THSD4: variants seen among roughly 807,000 people sequenced by gnomAD.
The protein encoded by THSD4 is thrombospondin type 1 domain containing 4, also known as thrombospondin type-1 domain-containing protein 4.
THSD4 carries 69 observed loss-of-function variants against 119.0 expected under a neutral mutation model. The observed-to-expected ratio is 0.58, with a 90% CI of 0.48 to 0.71. The LOEUF (loss-of-function observed/expected upper bound fraction) is 0.71, where lower values mean the gene tolerates loss of function less well. THSD4 is among the 30% of genes least tolerant of loss of function. The pLI is 0.00. For synonymous variants in THSD4, 524 were observed against 540.4 expected, an observed-to-expected ratio of 0.97 and a Z score of 0.42; for missense variants, 1,393 against 1,391.1, an observed-to-expected ratio of 1.00 and a Z score of -0.02.
intron 7 of THSD4, among the ~76,000 whole-genome samples, chr15:71,530,555 A>G (rs1005162159): frequency 9.9e-5 from 15 of 152,166 alleles, no homozygotes; most frequent in Non-Finnish European, 1.9e-4. Flanking sequence ...AAAAGCCCCA[A>G]TCATTCATTA....
intron 8 of THSD4, among the ~76,000 whole-genome samples, chr15:71,709,811 A>G (rs4310807): frequency 0.17 from 25,853 of 152,154 alleles, 2,407 homozygotes; most frequent in Middle Eastern, 0.22. Flanking sequence ...TGCCCAGGCC[A>G]TACCTGAACC....
chr15:71,204,609 C>G (rs920725779), intron 3 of THSD4, among the ~76,000 whole-genome samples: 1 of 152,160 alleles, frequency 6.6e-6, no homozygotes, highest in Non-Finnish European at 1.5e-5. Flanking sequence ...GAGCCACAGA[C>G]CAGCTGGCCT....
intron 7 of THSD4, among the ~76,000 whole-genome samples, chr15:71,655,812 G>A (rs944225494): frequency 9.9e-5 from 15 of 152,172 alleles, no homozygotes; most frequent in African/African-American, 3.1e-4. Flanking sequence ...CCCTATCAGC[G>A]ACCAATTGAT....
At chr15:71,355,836 TTCCAAGTGTTCTAATTTA>T (rs1164707668) in intron 6 of THSD4, among the ~76,000 whole-genome samples, 6 of 150,616 alleles carry the variant, frequency 4.0e-5, no homozygotes, top group Non-Finnish European at 1.5e-5. Context: ...AGTAACTCTT[TTCCAAGTGTTCTAATTTA>T]GGTTTTTCTT....
intron 16 of THSD4, among the ~76,000 whole-genome samples, chr15:71,768,142 C>T (rs1356268152): frequency 6.6e-6 from 1 of 152,044 alleles, no homozygotes; most frequent in African/African-American, 2.4e-5. Flanking sequence ...AGTAAAGGTG[C>T]TGAGGGAATA....
At chr15:71,403,579 G>A (rs2046567484) in intron 6 of THSD4, among the ~76,000 whole-genome samples, 1 of 152,180 alleles carries the variant, frequency 6.6e-6, no homozygotes, top group Non-Finnish European at 1.5e-5. Context: ...AGTCTTTGGA[G>A]TATACCAAGA....
intron 3 of THSD4, among the ~76,000 whole-genome samples, chr15:71,208,046 G>A (rs1236559160): frequency 6.6e-6 from 1 of 152,234 alleles, no homozygotes; most frequent in Admixed American, 6.5e-5. Context: ...GTTCAAAGGA[G>A]CTGCTGCTGG....
chr15:71,549,641 C>T (rs766166021), intron 7 of THSD4: 4 of 152,168 alleles, frequency 2.6e-5, no homozygotes, highest in Non-Finnish European at 5.9e-5. Context: ...CCAGGATTTT[C>T]CTTTTCTCTG....
chr15:71,097,685 G>C lies in THSD4; in HGVS notation c.-80+679G>C, dbSNP rs191455531. Among the ~76,000 whole-genome samples the C allele has an allele frequency of 7.4e-4, 109 of 146,920 alleles. 1 individual carries two copies. Among genetic ancestry groups the C allele is most frequent in the Non-Finnish European group, 1.4e-3 (93 of 67,128 alleles). Reference sequence around the variant, plus strand: ...CGTTATATCTTATAATTTACATTTTGCTTTCATAGGTCACAGAAAGATGTA... The same window carrying C: ...CGTTATATCTTATAATTTACATTTTCCTTTCATAGGTCACAGAAAGATGTA... On this transcript the variant is annotated intron_variant, in intron 1 of 17. Coordinates refer to the THSD4 transcript ENST00000355327.
At chr15:71,141,413 A>G (rs544767128) in intron 1 of THSD4, 36 bp from the exon 2 acceptor site, 43 of 1,131,362 alleles carry the variant, frequency 3.8e-5, no homozygotes, top group Non-Finnish European at 5.3e-5. Context: ...CTTCCTAAGT[A>G]AATGTTGCTA....
chr15:71,196,525 A>G (rs897666595), intron 3 of THSD4, among the ~76,000 whole-genome samples: 1 of 152,156 alleles, frequency 6.6e-6, no homozygotes. Flanking sequence ...AGAGAAAAAG[A>G]ATGACTCCAC....
At chr15:71,714,483 A>G (rs1006245663) in intron 8 of THSD4, among the ~76,000 whole-genome samples, 1 of 152,244 alleles carries the variant, frequency 6.6e-6, no homozygotes, top group African/African-American at 2.4e-5. Context: ...CTAAAATTTA[A>G]AAGCAGAATT....
intron 3 of THSD4, among the ~76,000 whole-genome samples, chr15:71,200,875 T>C (rs1022123472): frequency 6.6e-6 from 1 of 152,184 alleles, no homozygotes; most frequent in Non-Finnish European, 1.5e-5. Context: ...AAGCCCAAAA[T>C]GGAGCTGTGC....
chr15:71,662,605 G>A (rs1595841262), intron 8 of THSD4, among the ~76,000 whole-genome samples: 1 of 152,002 alleles, frequency 6.6e-6, no homozygotes, highest in Non-Finnish European at 1.5e-5. Context: ...ATTTTCCCTG[G>A]CTATAGTTAG....
intron 7 of THSD4, among the ~76,000 whole-genome samples, chr15:71,650,208 C>T (rs779760948): frequency 1.5e-4 from 23 of 152,150 alleles, no homozygotes; most frequent in African/African-American, 2.7e-4. Flanking sequence ...GCTGTTCTCA[C>T]GCTGCAACAA....
chr15:71,241,474 G>T (rs1050264796), intron 4 of THSD4, among the ~76,000 whole-genome samples: 1 of 152,130 alleles, frequency 6.6e-6, no homozygotes, highest in African/African-American at 2.4e-5. Flanking sequence ...TGATCTAGTT[G>T]CTTTCAGTTG....
At chr15:71,715,075 A>G (rs1003634869) in intron 8 of THSD4, among the ~76,000 whole-genome samples, 2 of 152,174 alleles carry the variant, frequency 1.3e-5, no homozygotes, top group Admixed American at 6.5e-5. Context: ...ACAACTCGAC[A>G]CTCAAAATAA....
chr15:71,546,886 C>A (rs1247568154), intron 7 of THSD4, among the ~76,000 whole-genome samples: 2 of 152,160 alleles, frequency 1.3e-5, no homozygotes, highest in Non-Finnish European at 2.9e-5. Flanking sequence ...AAACTGCAGC[C>A]CAGAGCGGAC....
At chr15:71,320,596 G>T (rs2140360003) in intron 6 of THSD4, among the ~76,000 whole-genome samples, 1 of 152,252 alleles carries the variant, frequency 6.6e-6, no homozygotes, top group East Asian at 1.9e-4. Context: ...TAGAAAAAAA[G>T]ATCCAAGTAG....
Sources: allele counts gnomAD v4.1 joint callset (sites outside exome capture counted in the v4.1 genomes callset), GRCh38; gene constraint gnomAD v4.1.1; transcripts MANE v1.5; gene names NCBI Gene and HGNC (gene_info 2026-07-23, HGNC 2026-07-21).